The following NDST4 variants were observed in gnomAD, a reference collection of about 807,000 sequenced individuals.
NDST4 encodes N-heparan sulfate sulfotransferase 4.
A neutral mutation model predicts 100.8 loss-of-function variants in NDST4; 63 were observed. That is an observed-to-expected ratio of 0.62 (90% CI 0.51 to 0.77). The LOEUF (loss-of-function observed/expected upper bound fraction) is 0.77, where lower values mean the gene tolerates loss of function less well. Among genes scored for constraint, NDST4 ranks in the 30% least tolerant of loss-of-function variants. The probability of loss-of-function intolerance (pLI) is 0.00; values close to 1 mark genes in which losing one functional copy is unlikely to be tolerated. For missense variants in NDST4, 943 were observed against 1,018.4 expected (o/e 0.93, Z 1.01); for synonymous variants, 377 against 361.8 (o/e 1.04, Z -0.48).
chr4:115,027,038 C>G (rs762446163), intron 2 of NDST4, among the ~76,000 whole-genome samples: 4 of 152,112 alleles, frequency 2.6e-5, no homozygotes, highest in Admixed American at 2.0e-4. Context: ...AAGAAGTAAC[C>G]TGGCTGGTGG....
chr4:115,085,793 G>A (rs1472958006), intron 1 of NDST4, among the ~76,000 whole-genome samples: 1 of 152,140 alleles, frequency 6.6e-6, no homozygotes, highest in Non-Finnish European at 1.5e-5. Context: ...CACAGAGTGT[G>A]AGAATGACTT....
At chr4:115,061,275 A>T (rs908993856) in intron 2 of NDST4, among the ~76,000 whole-genome samples, 4 of 152,250 alleles carry the variant, frequency 2.6e-5, no homozygotes, top group Admixed American at 1.3e-4. Flanking sequence ...ATTACTGGGT[A>T]TATACCCAAA....
intron 7 of NDST4, among the ~76,000 whole-genome samples, chr4:114,857,009 C>A (rs1466018492): frequency 6.6e-6 from 1 of 152,016 alleles, no homozygotes; most frequent in Non-Finnish European, 1.5e-5. Flanking sequence ...TAGGATGGGG[C>A]CTAGAGCAAG....
rs187908557 is a variant in NDST4, at chr4:114,879,381, A to G, written c.1537-8431T>C. 2.0e-3 allele frequency among the ~76,000 whole-genome samples: 311 copies of G among 152,252 alleles called. 1 individual carries two copies. Among genetic ancestry groups the G allele is most frequent in the Admixed American group, 3.4e-3 (52 of 15,256 alleles). On this transcript the variant is annotated intron_variant, in intron 6 of 13. Transcript: ENST00000264363. ...CCTTTGTTTCATTTTCAAAAGTTCA[A>G]TTAGTAGATTTGAGAAGCAGACATC...
intron 6 of NDST4, among the ~76,000 whole-genome samples, chr4:114,877,993 TAAAG>T (rs1378930945): frequency 4.3e-5 from 5 of 115,514 alleles, no homozygotes; most frequent in Admixed American, 1.7e-4. Context: ...ATGGAAGAAA[TAAAG>T]AAAGAAAGGA....
At chr4:114,955,751 T>C (rs1045605639) in intron 4 of NDST4, 1 of 152,188 alleles carries the variant, frequency 6.6e-6, no homozygotes, top group Non-Finnish European at 1.5e-5. Context: ...AAACCATTTA[T>C]TCAAGAAAAT....
Position 114,937,372 on chromosome 4 carries a change from A to C in NDST4, c.1353T>G (p.Tyr451Ter). Reference protein sequence around the residue: ...WGIQVTSTEEYPHLKPARYRK... With the variant: ...WGIQVTSTEE The stretch of plus-strand genomic sequence containing the variant: ...TGTACCGGGCAGGTTTCAGATGTGG[A>C]TATTCTTCAGTGCTGGTGACTTGAA... The change falls in exon 5 of 14, where the codon TAT (tyrosine) becomes TAG (stop). Residue 451 changes from tyrosine to a stop codon, truncating the protein, a stop_gained. Transcript: ENST00000264363. LOFTEE classifies it high-confidence loss of function. 6.2e-7 allele frequency: 1 copy of C among 1,614,092 alleles called. No homozygotes were observed. The highest frequency in any genetic ancestry group is 8.5e-7 in the Non-Finnish European group (1 of 1,180,002).
chr4:114,997,769 C>T (rs922006288), intron 2 of NDST4, among the ~76,000 whole-genome samples: 2 of 152,054 alleles, frequency 1.3e-5, no homozygotes, highest in African/African-American at 4.8e-5. Context: ...TTAGCTTGCT[C>T]TATACACTCA....
chr4:114,963,432 G>C (rs1288820666), intron 4 of NDST4, among the ~76,000 whole-genome samples: 8 of 152,000 alleles, frequency 5.3e-5, no homozygotes, highest in African/African-American at 9.7e-5. Flanking sequence ...TTGAGGGAGT[G>C]GGGAGAAATG....
intron 1 of NDST4, among the ~76,000 whole-genome samples, chr4:115,096,273 G>A (rs1057457395): frequency 6.7e-6 from 1 of 150,284 alleles, no homozygotes; most frequent in Non-Finnish European, 1.5e-5. Flanking sequence ...TCTGATAATG[G>A]ATAGAACATT....
At chr4:114,958,716 C>T (rs1726195077) in intron 4 of NDST4, among the ~76,000 whole-genome samples, 1 of 152,136 alleles carries the variant, frequency 6.6e-6, no homozygotes, top group Admixed American at 6.6e-5. Flanking sequence ...GACGTTTTCC[C>T]CATTGTCTTG....
At chr4:114,928,371 A>T (rs545209340) in intron 6 of NDST4, among the ~76,000 whole-genome samples, 1 of 152,338 alleles carries the variant, frequency 6.6e-6, no homozygotes, top group African/African-American at 2.4e-5. Context: ...TCTCAACATT[A>T]GTGAGGTAAA....
At chr4:114,902,983 T>C (rs528553430) in intron 6 of NDST4, among the ~76,000 whole-genome samples, 2 of 152,232 alleles carry the variant, frequency 1.3e-5, no homozygotes, top group South Asian at 4.1e-4. Flanking sequence ...GCCTATATGT[T>C]CTTGCTTGCT....
chr4:114,890,933 T>G (rs532618368), intron 6 of NDST4, among the ~76,000 whole-genome samples: 17 of 152,160 alleles, frequency 1.1e-4, no homozygotes, highest in African/African-American at 3.1e-4. Flanking sequence ...CCTGACTGAT[T>G]TCTTCAAATT....
chr4:115,029,732 A>T (rs958317347), intron 2 of NDST4, among the ~76,000 whole-genome samples: 3 of 152,134 alleles, frequency 2.0e-5, no homozygotes, highest in Admixed American at 1.3e-4. Flanking sequence ...GAGGCACAGT[A>T]AAGCAGGAGG....
rs560300505 is a variant in NDST4, at chr4:115,072,838, A to G, written c.978+3221T>C. 4.6e-5 allele frequency among the ~76,000 whole-genome samples: 7 copies of G among 152,170 alleles called. No homozygotes were observed. The South Asian group carries it at 1.5e-3, about 32-fold the overall frequency. On this transcript the variant is annotated intron_variant, in intron 2 of 13. Transcript: ENST00000264363. ...AAAAGTAAAAAAACCAAATGGAATT[A>G]CATCAAGCAAAAAACTTTTATACAG...
At chr4:115,096,017 C>T (rs1345468573) in intron 1 of NDST4, among the ~76,000 whole-genome samples, 1 of 151,948 alleles carries the variant, frequency 6.6e-6, no homozygotes, top group Non-Finnish European at 1.5e-5. Flanking sequence ...CTCTCATGGC[C>T]TCACAATCCC....
At chr4:115,098,211 C>T (rs184255687) in intron 1 of NDST4, among the ~76,000 whole-genome samples, 139 of 152,052 alleles carry the variant, frequency 9.1e-4, no homozygotes, top group African/African-American at 3.1e-3. Context: ...TCTTTACAAA[C>T]GAGTAGCAAG....
chr4:114,959,183 T>TA lies in NDST4; in HGVS notation c.1221+11246_1221+11247insT, dbSNP rs542103053. Among the ~76,000 whole-genome samples, 865 of 152,296 alleles carry TA rather than the reference T, an allele frequency of 5.7e-3. 3 individuals carry two copies. Among genetic ancestry groups the TA allele is most frequent in the Middle Eastern group, 0.024 (7 of 294 alleles). On this transcript the variant is annotated intron_variant, in intron 4 of 13. Coordinates refer to ENST00000264363, the MANE Select transcript of NDST4 (RefSeq NM_022569.3). ...ATTTTGGTCAAAGCCATTCAACAAGTCTCTAGGAAGTTTCAAAATTTCCAA... is the reference window on the plus strand; with the variant it reads ...ATTTTGGTCAAAGCCATTCAACAAGTACTCTAGGAAGTTTCAAAATTTCCAA...
Sources: allele counts gnomAD v4.1 joint callset (sites outside exome capture counted in the v4.1 genomes callset), GRCh38; gene constraint gnomAD v4.1.1; transcripts MANE v1.5; gene names NCBI Gene and HGNC (gene_info 2026-07-23, HGNC 2026-07-21).